The following RIOK3 variants were observed in gnomAD, a reference collection of about 807,000 sequenced individuals.
RIOK3 encodes the protein RIO kinase 3.
A neutral mutation model predicts 63.5 loss-of-function variants in RIOK3; 40 were observed. The observed-to-expected ratio is 0.63, with a 90% CI of 0.49 to 0.82. RIOK3 has a LOEUF of 0.82. Ranked by LOEUF, RIOK3 falls within the 40% of genes least tolerant of loss-of-function variation. The pLI, the probability that RIOK3 is intolerant of heterozygous loss-of-function variation, is 0.00. For synonymous variants in RIOK3, 193 were observed against 205.0 expected, an observed-to-expected ratio of 0.94 and a Z score of 0.50; for missense variants, 557 against 637.0, an observed-to-expected ratio of 0.87 and a Z score of 1.35.
intron 9 of RIOK3, among the ~76,000 whole-genome samples, chr18:23,476,203 T>C (rs1428410640): frequency 6.6e-6 from 1 of 152,140 alleles, no homozygotes; most frequent in Non-Finnish European, 1.5e-5. Flanking sequence ...GGAAGGCATG[T>C]TGGGAATCTC....
At position 23,466,236 on chromosome 18, in the gene RIOK3, G is replaced by A. The variant is rs766980939; in HGVS notation, c.647G>A (p.Arg216Gln). ...LKQHAYSEER[R>Q]SARLHEKKEH... is the part of the protein sequence containing the mutation. ...CAACATGCCTACTCAGAAGAACGTC[G>A]AAGTGCCCGCCTACATGAGAAAAAG... Residue 216 changes from arginine (R) to glutamine (Q), a missense_variant, in exon 6 of 13, where the codon CGA becomes CAA. Around this residue, in one of 3 missense-constraint regions of RIOK3, gnomAD observed 243 missense variants for 275.4 expected, o/e 0.88. Transcript: ENST00000339486. 32 of 1,611,816 alleles carry A rather than the reference G, an allele frequency of 2.0e-5. No homozygotes were observed. Among genetic ancestry groups the A allele is most frequent in the Middle Eastern group, 1.6e-4 (1 of 6,084 alleles).
At chr18:23,464,995 A>G (rs1469365278) in intron 5 of RIOK3, among the ~76,000 whole-genome samples, 1 of 152,226 alleles carries the variant, frequency 6.6e-6, no homozygotes, top group Non-Finnish European at 1.5e-5. Flanking sequence ...ACTTTTCACC[A>G]TATACTCTTT....
At chr18:23,474,595 C>G (rs918236161) in intron 8 of RIOK3, among the ~76,000 whole-genome samples, 3 of 152,138 alleles carry the variant, frequency 2.0e-5, no homozygotes, top group African/African-American at 7.2e-5. Flanking sequence ...ATACATTCCC[C>G]AAATGGACTG....
Position 23,466,221 on chromosome 18 carries a change from A to T in RIOK3, c.632A>T (p.Tyr211Phe). ...HVFNALKQHA[Y>F]SEERRSARLH... The stretch of plus-strand genomic sequence containing the variant: ...TTCAATGCTTTAAAACAACATGCCT[A>T]CTCAGAAGAACGTCGAAGTGCCCGC... Residue 211 changes from tyrosine to phenylalanine, a missense_variant, in exon 6 of 13, where the codon TAC becomes TTC. Transcript: ENST00000339486. The T allele has an allele frequency of 6.2e-7, 1 of 1,612,654 alleles. No individual in the cohort carries two copies. The highest frequency in any genetic ancestry group is 1.1e-5 in the South Asian group (1 of 90,708).
At position 23,482,250 on chromosome 18, in the gene RIOK3, C is replaced by T. The variant is rs969733143; in HGVS notation, c.*971C>T. The stretch of plus-strand genomic sequence containing the variant: ...GGGGGCCAGGCACGATGGCTCAAAC[C>T]TGTAATCCCAGCACTTTGGGAGACC... On this transcript the variant is annotated 3_prime_UTR_variant, in exon 13 of 13. Coordinates refer to ENST00000339486, the MANE Select transcript of RIOK3 (RefSeq NM_003831.5). 1 of 152,124 alleles carries T rather than the reference C, an allele frequency of 6.6e-6. No individual in the cohort carries two copies. The highest frequency in any genetic ancestry group is 1.5e-5 in the Non-Finnish European group (1 of 68,034). The allele number at this position is 152,124 out of a possible 1,614,324, so 9.4% of individuals were successfully genotyped here. A position where few individuals can be genotyped will look rare whatever the true frequency, so the allele number is the denominator to read the frequency against.
intron 7 of RIOK3, among the ~76,000 whole-genome samples, chr18:23,470,923 G>A (rs747565374): frequency 5.3e-5 from 8 of 152,148 alleles, no homozygotes; most frequent in Non-Finnish European, 1.0e-4. Flanking sequence ...AATGAAAGGA[G>A]CTTATCTCAA....
chr18:23,455,378 C>CTTTTT (rs11305782), intron 1 of RIOK3, among the ~76,000 whole-genome samples: 1 of 138,822 alleles, frequency 7.2e-6, no homozygotes, highest in Non-Finnish European at 1.6e-5. Context: ...CAACGTCTTT[C>CTTTTT]TTTTTTTTTT....
Position 23,467,734 on chromosome 18 carries a change from G to A in RIOK3, c.815+208G>A, listed in dbSNP as rs1251696357. On this transcript the variant is annotated intron_variant, in intron 7 of 12. Coordinates refer to ENST00000339486, the MANE Select transcript of RIOK3 (RefSeq NM_003831.5). ...CCAGAGATAATCATTAATAATTTTG[G>A]GTAGACTTCTCCAGTTTTTTTCAAT... Among the ~76,000 whole-genome samples, 5 of 151,290 alleles carry A rather than the reference G, an allele frequency of 3.3e-5. 1 individual carries two copies. Among genetic ancestry groups the A allele is most frequent in the Admixed American group, 3.3e-4 (5 of 15,192 alleles).
chr18:23,474,886 A>G, intron 8 of RIOK3, 62 bp from the exon 9 acceptor site: 1 of 1,282,122 alleles, frequency 7.8e-7, no homozygotes. Flanking sequence ...ATATTTATTG[A>G]ATAAATGACA....
chr18:23,458,184 C>G (rs1029367118), intron 1 of RIOK3, among the ~76,000 whole-genome samples: 16 of 151,468 alleles, frequency 1.1e-4, no homozygotes, highest in Non-Finnish European at 1.3e-4. Flanking sequence ...GTATTACAGG[C>G]GAGAGCCACT....
At chr18:23,459,858 T>G (rs577872756) in intron 1 of RIOK3, among the ~76,000 whole-genome samples, 5 of 152,284 alleles carry the variant, frequency 3.3e-5, no homozygotes, top group African/African-American at 7.2e-5. Flanking sequence ...TAAAAAATAC[T>G]AATTTTTATA....
At chr18:23,480,574 CACACACACACACACACAT>C (rs1452459737) in intron 12 of RIOK3, among the ~76,000 whole-genome samples, 2 of 151,650 alleles carry the variant, frequency 1.3e-5, no homozygotes, top group Non-Finnish European at 2.9e-5. Flanking sequence ...CACACACACA[CACACACACACACACACAT>C]AGTAATTTCA....
At chr18:23,463,409 C>CTTTTTTTTTTTTT (rs5823391) in intron 2 of RIOK3, 2 of 134,932 alleles carry the variant, frequency 1.5e-5, no homozygotes, top group African/African-American at 5.6e-5. Context: ...TCCAGACTTT[C>CTTTTTTTTTTTTT]TTTTTTTTTT....
chr18:23,463,062 C>A lies in RIOK3; in HGVS notation c.162C>A (p.Ala54=). The part of the protein sequence containing the change: ...AKELQLEEEA[A]VFPEVAVAEG... ...AATTGCAGTTAGAAGAAGAAGCTGCCGTTTTTCCTGAAGTTGCGTAAGTAA... is the reference window on the plus strand; with the variant it reads ...AATTGCAGTTAGAAGAAGAAGCTGCAGTTTTTCCTGAAGTTGCGTAAGTAA... The change falls in exon 2 of 13, where the codon GCC becomes GCA. Residue 54 remains alanine (A), a synonymous_variant. Transcript: ENST00000339486. The A allele has an allele frequency of 1.2e-6, 2 of 1,606,084 alleles. No homozygotes were observed. The highest frequency in any genetic ancestry group is 8.5e-7 in the Non-Finnish European group (1 of 1,176,046).
chr18:23,469,403 C>CCTCT (rs1245807624), intron 7 of RIOK3, among the ~76,000 whole-genome samples: 1 of 66,394 alleles, frequency 1.5e-5, no homozygotes, highest in African/African-American at 6.4e-5. Flanking sequence ...CTCCTCTCTC[C>CCTCT]CCTCTCTCCT....
chr18:23,461,722 T>C (rs568247853), intron 1 of RIOK3, among the ~76,000 whole-genome samples: 108 of 152,188 alleles, frequency 7.1e-4, no homozygotes, highest in South Asian at 1.2e-3. Flanking sequence ...GAAGGTCAAC[T>C]GGGTCTGACA....
intron 9 of RIOK3, among the ~76,000 whole-genome samples, chr18:23,475,992 G>T (rs1467335832): frequency 4.4e-5 from 5 of 112,758 alleles, no homozygotes; most frequent in African/African-American, 1.4e-4. Context: ...TCACTATGTT[G>T]CCCAGGCTGG....
chr18:23,455,160 C>T (rs1378242385), intron 1 of RIOK3, among the ~76,000 whole-genome samples: 1 of 152,100 alleles, frequency 6.6e-6, no homozygotes, highest in Non-Finnish European at 1.5e-5. Flanking sequence ...CGACCTCTGC[C>T]TTCCGGGTTC....
chr18:23,478,648 T>G (rs2057510602), intron 11 of RIOK3, among the ~76,000 whole-genome samples: 1 of 38,174 alleles, frequency 2.6e-5, no homozygotes. Context: ...TATATATATA[T>G]ATATATATAT....
Sources: gnomAD v4.1 joint callset for allele counts (sites outside exome capture counted in the v4.1 genomes callset) on GRCh38, gnomAD v4.1.1 for gene constraint, gnomAD v4.1.1 regional missense constraint, MANE v1.5 for transcripts, NCBI Gene and HGNC (gene_info 2026-07-23, HGNC 2026-07-21) for gene names.